The following PCDHGA6 variants were observed in gnomAD, a reference collection of about 807,000 sequenced individuals.
The protein encoded by PCDHGA6 is protocadherin gamma-A6.
PCDHGA6 carries 41 observed loss-of-function variants against 60.6 expected under a neutral mutation model. The observed-to-expected ratio is 0.68, with a 90% CI of 0.53 to 0.88. PCDHGA6 has a LOEUF of 0.88. Ranked by LOEUF, PCDHGA6 falls within the 40% of genes least tolerant of loss-of-function variation. The pLI, the probability that PCDHGA6 is intolerant of heterozygous loss-of-function variation, is 0.00. For synonymous variants in PCDHGA6, 594 were observed against 524.4 expected, an observed-to-expected ratio of 1.13 and a Z score of -1.81; for missense variants, 1,312 against 1,203.0, an observed-to-expected ratio of 1.09 and a Z score of -1.34.
chr5:141,464,911 T>G (rs2099093002), intron 1 of PCDHGA6, among the ~76,000 whole-genome samples: 1 of 151,718 alleles, frequency 6.6e-6, no homozygotes, highest in Non-Finnish European at 1.5e-5. Context: ...GCTAATTTTT[T>G]TATTTTTTTG....
At chr5:141,422,850 G>T (rs184432819) in intron 1 of PCDHGA6, 7 of 1,614,086 alleles carry the variant, frequency 4.3e-6, no homozygotes, top group Non-Finnish European at 5.9e-6. Context: ...GCGGGGACCC[G>T]CCCCTCAGCA....
chr5:141,409,907 C>T (rs1370065492), intron 1 of PCDHGA6: 1 of 1,613,294 alleles, frequency 6.2e-7, no homozygotes, highest in East Asian at 2.2e-5. Flanking sequence ...AGCTCTGGGT[C>T]CTGACGGCTC....
At chr5:141,387,967 C>G in intron 1 of PCDHGA6, 1 of 1,489,226 alleles carries the variant, frequency 6.7e-7, no homozygotes, top group Non-Finnish European at 9.0e-7. Flanking sequence ...TTCTGCCCGG[C>G]GCTCTGTGAG....
intron 1 of PCDHGA6, chr5:141,405,598 T>G: frequency 1.7e-6 from 1 of 577,840 alleles, no homozygotes; most frequent in South Asian, 2.2e-5. Context: ...GCCTCCCAAG[T>G]AGAATAACTG....
At position 141,476,409 on chromosome 5, in the gene PCDHGA6, G is replaced by A. The variant is rs1226666958; in HGVS notation, c.2425-18398G>A. The A allele has an allele frequency of 6.2e-7, 1 of 1,614,154 alleles. No homozygotes were observed. The highest frequency in any genetic ancestry group is 1.7e-5 in the Admixed American group (1 of 60,030). ...GACCGTCTGGATCGAGAGGAGCTGT[G>A]TGGGACACTGCCCTCTTGCACTGTA... is the stretch of plus-strand genomic sequence containing the variant. On this transcript the variant is annotated intron_variant, in intron 1 of 3. Coordinates refer to ENST00000517434, the MANE Select transcript of PCDHGA6 (RefSeq NM_018919.3). The surrounding 1 kb of genome is among the most constrained non-coding windows in gnomAD (Gnocchi z 7.6).
chr5:141,405,394 C>T, intron 1 of PCDHGA6: 4 of 1,593,132 alleles, frequency 2.5e-6, no homozygotes, highest in Non-Finnish European at 3.4e-6. Context: ...CATTTTTTTT[C>T]TTTCTTTCTT....
chr5:141,445,311 G>A (rs2098463310), intron 1 of PCDHGA6, among the ~76,000 whole-genome samples: 1 of 152,150 alleles, frequency 6.6e-6, no homozygotes, highest in East Asian at 1.9e-4. Flanking sequence ...CAGTTTGTAG[G>A]TTGAGAGAAC....
chr5:141,424,169 A>G (rs542346399), intron 1 of PCDHGA6: 20 of 225,850 alleles, frequency 8.9e-5, no homozygotes, highest in Middle Eastern at 2.3e-3. Context: ...TCATCTATCT[A>G]TCTATACACA....
At chr5:141,419,325 A>C in intron 1 of PCDHGA6, 1 of 1,613,702 alleles carries the variant, frequency 6.2e-7, no homozygotes, top group African/African-American at 1.3e-5. Flanking sequence ...CGTGTCTCCT[A>C]CTCTCTCATT....
chr5:141,400,198 G>A (rs559051247), intron 1 of PCDHGA6: 4 of 1,613,926 alleles, frequency 2.5e-6, no homozygotes, highest in Non-Finnish European at 2.5e-6. Flanking sequence ...CCTAGTGGTG[G>A]CCTTGGCCTT....
Position 141,432,038 on chromosome 5 carries a change from C to A in PCDHGA6, c.2424+55531C>A. On this transcript the variant is annotated intron_variant, in intron 1 of 3. Transcript: ENST00000517434. The surrounding 1 kb of genome is among the most constrained non-coding windows in gnomAD (Gnocchi z 6.0). ...CAACATCACAGTGACCGCCACTGAC[C>A]GGGGAACCCCGCCCCTATCCACGGA... 1 of 1,614,190 alleles carries A rather than the reference C, an allele frequency of 6.2e-7. No homozygotes were observed. The highest frequency in any genetic ancestry group is 1.1e-5 in the South Asian group (1 of 91,072).
rs767035645 is a variant in PCDHGA6, at chr5:141,376,522, G to A, written c.2424+15G>A. 18 of 1,613,784 alleles carry A rather than the reference G, an allele frequency of 1.1e-5. No individual in the cohort carries two copies. Among genetic ancestry groups the A allele is most frequent in the Non-Finnish European group, 1.5e-5 (18 of 1,179,822 alleles). ...GGCAACTTCAGGTGAGTTTCTTTCC[G>A]CCTAAGCGGGAAGAGTAATCTGATC... On this transcript the variant is annotated intron_variant, in intron 1 of 3. Transcript: ENST00000517434.
intron 1 of PCDHGA6, chr5:141,394,390 G>A (rs758609540): frequency 2.5e-6 from 4 of 1,614,100 alleles, no homozygotes; most frequent in South Asian, 2.2e-5. Flanking sequence ...GAGCAGATCC[G>A]AGACCTGCAG....
chr5:141,494,173 G>C (rs554811420), intron 1 of PCDHGA6, among the ~76,000 whole-genome samples: 2 of 152,304 alleles, frequency 1.3e-5, no homozygotes, highest in South Asian at 2.1e-4. Flanking sequence ...CTAGGGGTGA[G>C]AAGTGTCCCG....
chr5:141,410,508 G>T (rs752298772), intron 1 of PCDHGA6: 1 of 1,613,968 alleles, frequency 6.2e-7, no homozygotes, highest in South Asian at 1.1e-5. Context: ...TTCCTAAAAT[G>T]CAGTGTGCCC....
intron 1 of PCDHGA6, chr5:141,492,007 C>T (rs1261430567): frequency 3.0e-5 from 19 of 628,956 alleles, no homozygotes; most frequent in Non-Finnish European, 4.6e-5. Flanking sequence ...GCGATTTCCG[C>T]GGGTGTCGGG....
chr5:141,427,921 G>A (rs2097089596), intron 1 of PCDHGA6: 3 of 1,580,128 alleles, frequency 1.9e-6, no homozygotes, highest in African/African-American at 1.3e-5. Flanking sequence ...AACATGAGCC[G>A]GCGCATGTTG....
At chr5:141,461,592 A>G (rs777372149) in intron 1 of PCDHGA6, among the ~76,000 whole-genome samples, 4 of 152,148 alleles carry the variant, frequency 2.6e-5, no homozygotes, top group African/African-American at 2.4e-5. Flanking sequence ...TTATATTTCC[A>G]TTATAATTTA....
chr5:141,431,008 C>T lies in PCDHGA6; in HGVS notation c.2424+54501C>T. The T allele has an allele frequency of 6.2e-7, 1 of 1,614,118 alleles. No individual in the cohort carries two copies. The highest frequency in any genetic ancestry group is 1.1e-5 in the South Asian group (1 of 91,076). ...TCGCCCTGAATCCGCGCAGCGGCAG[C>T]TTGGTCACGGCGGGCAGGATAGACC... On this transcript the variant is annotated intron_variant, in intron 1 of 3. Transcript: ENST00000517434. This position sits in a 1 kb window ranked among gnomAD's most constrained non-coding sequence, Gnocchi z 4.8.
Sources: gnomAD v4.1 joint callset for allele counts (sites outside exome capture counted in the v4.1 genomes callset) on GRCh38, gnomAD v4.1.1 for gene constraint, Gnocchi (gnomAD v3.1) non-coding constraint, MANE v1.5 for transcripts, NCBI Gene and HGNC (gene_info 2026-07-23, HGNC 2026-07-21) for gene names.